Variants in DPP6 observed in about 807,000 individuals in gnomAD.
DPP6 encodes dipeptidyl peptidase like 6.
DPP6 carries 69 observed loss-of-function variants against 122.6 expected under a neutral mutation model. That is an observed-to-expected ratio of 0.56 (90% CI 0.46 to 0.69). The LOEUF is 0.69. Among genes scored for constraint, DPP6 ranks in the 30% least tolerant of loss-of-function variants. DPP6 has a pLI of 0.00. For missense variants in DPP6, 928 were observed against 1,116.9 expected (o/e 0.83, Z 2.41); for synonymous variants, 418 against 433.1 (o/e 0.97, Z 0.43).
At chr7:154,235,667 T>A (rs1801167913) in intron 1 of DPP6, among the ~76,000 whole-genome samples, 1 of 152,166 alleles carries the variant, frequency 6.6e-6, no homozygotes, top group Non-Finnish European at 1.5e-5. Flanking sequence ...CAGTTTGCTG[T>A]TCCAAAAGCT....
chr7:154,663,649 A>G (rs76827774), intron 6 of DPP6, among the ~76,000 whole-genome samples: 2 of 39,116 alleles, frequency 5.1e-5, no homozygotes, highest in African/African-American at 9.8e-5. Context: ...TCACCATGGC[A>G]TATTGGCCAT....
In DPP6 at chr7:154,247,837, A is replaced by G. The variant is rs531180006; in HGVS notation, c.243+194774A>G. Among the ~76,000 whole-genome samples, 28 of 152,342 alleles carry G rather than the reference A, an allele frequency of 1.8e-4. No individual in the cohort carries two copies. The South Asian group carries it at 5.4e-3, about 29-fold the overall frequency. ...GCAGCCCTACTCATAATACCTTCAA[A>G]CTAGAAAGAAGCCAGGTATCTTTCA... On this transcript the variant is annotated intron_variant, in intron 1 of 25. Transcript: ENST00000377770.
At chr7:153,823,713 C>A in the DPP6 span, among the ~76,000 whole-genome samples, 1 of 151,712 alleles carries the variant, frequency 6.6e-6, no homozygotes, top group African/African-American at 2.4e-5. Context: ...TCTTGATTGT[C>A]GTAGCCGTTA....
At chr7:154,510,971 C>CAG (rs376724364) in intron 3 of DPP6, among the ~76,000 whole-genome samples, 1 of 120,240 alleles carries the variant, frequency 8.3e-6, no homozygotes. Context: ...CACACACACA[C>CAG]AGAGAGAGAG....
At chr7:153,823,776 G>T in the DPP6 span, among the ~76,000 whole-genome samples, 1 of 152,010 alleles carries the variant, frequency 6.6e-6, no homozygotes, top group Non-Finnish European at 1.5e-5. Flanking sequence ...GAATTTTATT[G>T]CATGTAAATT....
chr7:154,412,831 C>T (rs1816724445), intron 1 of DPP6, among the ~76,000 whole-genome samples: 3 of 152,238 alleles, frequency 2.0e-5, no homozygotes, highest in Admixed American at 1.3e-4. Flanking sequence ...CAGGTGAGTG[C>T]TTGTGCATGG....
intron 1 of DPP6, among the ~76,000 whole-genome samples, chr7:153,919,469 C>T (rs991070803): frequency 1.3e-5 from 2 of 152,180 alleles, no homozygotes; most frequent in Admixed American, 6.5e-5. Context: ...TTCAGTGCTA[C>T]ACTAAACTCT....
intron 1 of DPP6, among the ~76,000 whole-genome samples, chr7:153,913,291 C>G (rs957818040): frequency 2.0e-5 from 3 of 152,112 alleles, no homozygotes; most frequent in Admixed American, 2.0e-4. Context: ...GCCAGCAGGT[C>G]TCAAACTCCT....
intron 5 of DPP6, among the ~76,000 whole-genome samples, chr7:154,623,611 G>A (rs1012759683): frequency 2.7e-5 from 4 of 148,138 alleles, no homozygotes; most frequent in Admixed American, 6.7e-5. Context: ...TGACACACAC[G>A]CACGTACACG....
intron 1 of DPP6, among the ~76,000 whole-genome samples, chr7:154,222,435 C>T (rs531538637): frequency 0.033 from 4,772 of 142,724 alleles, 279 homozygotes; most frequent in African/African-American, 0.091. Context: ...GTGGGCGGAT[C>T]ACCTGAGGTC....
chr7:154,106,957 G>GA (rs1806207702), intron 1 of DPP6, among the ~76,000 whole-genome samples: 1 of 152,108 alleles, frequency 6.6e-6, no homozygotes, highest in African/African-American at 2.4e-5. Context: ...GATATGGAGA[G>GA]AAGGGAACCC....
chr7:154,375,143 G>T (rs1813019880), intron 1 of DPP6, among the ~76,000 whole-genome samples: 1 of 152,112 alleles, frequency 6.6e-6, no homozygotes, highest in African/African-American at 2.4e-5. Context: ...TGGATGTGGA[G>T]GGTCAAGAAA....
chr7:154,266,265 T>A (rs1332206792), intron 1 of DPP6, among the ~76,000 whole-genome samples: 1 of 152,130 alleles, frequency 6.6e-6, no homozygotes, highest in African/African-American at 2.4e-5. Flanking sequence ...GTCCTCAATT[T>A]GGGGAGATGC....
intron 1 of DPP6, among the ~76,000 whole-genome samples, chr7:154,360,067 C>G (rs1811602159): frequency 6.6e-6 from 1 of 152,200 alleles, no homozygotes; most frequent in South Asian, 2.1e-4. Flanking sequence ...CACTTTCTAG[C>G]TCATTTTACT....
intron 1 of DPP6, among the ~76,000 whole-genome samples, chr7:153,917,309 G>C (rs1158243273): frequency 2.0e-5 from 3 of 152,226 alleles, no homozygotes; most frequent in Non-Finnish European, 2.9e-5. Flanking sequence ...GGGAGCAGAG[G>C]CCTGCTTGGA....
intron 1 of DPP6, among the ~76,000 whole-genome samples, chr7:154,228,679 A>T (rs904147411): frequency 3.9e-5 from 6 of 152,128 alleles, no homozygotes; most frequent in African/African-American, 1.4e-4. Flanking sequence ...AATAATATAT[A>T]TAAGGGAACT....
At chr7:153,914,531 GTTATTGTTTGCATAGCATATT>G (rs1563227897) in intron 1 of DPP6, among the ~76,000 whole-genome samples, 2 of 152,094 alleles carry the variant, frequency 1.3e-5, no homozygotes, top group African/African-American at 4.8e-5. Flanking sequence ...GCTTTATTGA[GTTATTGTTTGCATAGCATATT>G]TAAGAGTACA....
At chr7:153,995,489 T>G (rs1797379825) in intron 1 of DPP6, among the ~76,000 whole-genome samples, 1 of 146,946 alleles carries the variant, frequency 6.8e-6, no homozygotes, top group Non-Finnish European at 1.5e-5. Flanking sequence ...GGAGAGAGGC[T>G]GAGGCAGGAG....
chr7:154,144,207 G>A (rs370843147), intron 1 of DPP6, among the ~76,000 whole-genome samples: 4,615 of 141,374 alleles, frequency 0.033, no homozygotes, highest in African/African-American at 0.13. Context: ...ATTTAGCCCT[G>A]GTATTTGGTA....
Sources: gnomAD v4.1 joint callset for allele counts (sites outside exome capture counted in the v4.1 genomes callset) on GRCh38, gnomAD v4.1.1 for gene constraint, MANE v1.5 for transcripts, NCBI Gene and HGNC (gene_info 2026-07-23, HGNC 2026-07-21) for gene names.